The following CSMD1 variants were observed in gnomAD, a reference collection of about 807,000 sequenced individuals.
The protein encoded by CSMD1 is CUB and sushi domain-containing protein 1.
A neutral mutation model predicts 417.5 loss-of-function variants in CSMD1; 213 were observed. That is an observed-to-expected ratio of 0.51 (90% CI 0.46 to 0.57). The LOEUF is 0.57. CSMD1 is among the 20% of genes least tolerant of loss of function. CSMD1 has a pLI of 0.00. For synonymous variants in CSMD1, 2,862 were observed against 1,736.8 expected (o/e 1.65, Z -16.11); for missense variants, 6,923 against 4,529.7 (o/e 1.53, Z -15.17).
intron 5 of CSMD1, among the ~76,000 whole-genome samples, chr8:3,930,521 C>A (rs1405346998): frequency 6.7e-6 from 1 of 150,362 alleles, no homozygotes; most frequent in Non-Finnish European, 1.5e-5. Flanking sequence ...TCTGCCTTTG[C>A]CTCTTTTCAA....
At chr8:4,005,210 G>C (rs917010163) in intron 4 of CSMD1, among the ~76,000 whole-genome samples, 3 of 152,078 alleles carry the variant, frequency 2.0e-5, no homozygotes, top group African/African-American at 4.8e-5. Flanking sequence ...GGTGGTGGGT[G>C]CACCATCTCA....
At position 3,390,656 on chromosome 8, in the gene CSMD1, C is replaced by CT. The variant is rs142121124; in HGVS notation, c.2594-2975dup. The stretch of plus-strand genomic sequence containing the variant: ...TTGATACAAATAGTTACAAACATTA[C>CT]TTTTTTTTTTTCAATTGGTCTTTGC... On this transcript the variant is annotated intron_variant, in intron 17 of 69. Coordinates refer to ENST00000635120, the MANE Select transcript of CSMD1 (RefSeq NM_033225.6). Among the ~76,000 whole-genome samples, 152 of 147,386 alleles carry CT rather than the reference C, an allele frequency of 1.0e-3. 1 individual carries two copies. The highest frequency in any genetic ancestry group is 2.1e-3 in the African/African-American group (84 of 40,496).
In CSMD1 at chr8:2,974,554, G is replaced by T. The variant is rs375155191; in HGVS notation, c.8637C>A (p.Ala2879=). The change falls in exon 56 of 70, where the codon GCC becomes GCA. Residue 2879 remains alanine, a synonymous_variant. Transcript: ENST00000635120. The stretch of plus-strand genomic sequence containing the variant: ...TCCCTCTGCAGGAGTAGTGCACGAC[G>T]GCGCCATAGGTAAACAGCTCTCCAG... ...VLTGELFTYG[A]VVHYSCRGSE... The T allele has an allele frequency of 4.8e-5, 77 of 1,613,068 alleles. No homozygotes were observed. The Middle Eastern group carries it at 4.9e-4, about 10-fold the overall frequency.
intron 3 of CSMD1, among the ~76,000 whole-genome samples, chr8:4,110,928 G>A (rs1801819341): frequency 6.6e-6 from 1 of 152,006 alleles, no homozygotes; most frequent in South Asian, 2.1e-4. Context: ...CATTCTAGAA[G>A]TACTCAGCTG....
chr8:3,129,612 T>C (rs1386272034), intron 41 of CSMD1, among the ~76,000 whole-genome samples: 1 of 151,444 alleles, frequency 6.6e-6, no homozygotes, highest in African/African-American at 2.4e-5. Context: ...TTCTCTATAC[T>C]AAAAGTACAA....
At chr8:3,586,979 T>C (rs569359184) in intron 8 of CSMD1, among the ~76,000 whole-genome samples, 4 of 152,270 alleles carry the variant, frequency 2.6e-5, no homozygotes, top group Non-Finnish European at 5.9e-5. Context: ...TTTGTATTTT[T>C]AGTAGAGACA....
rs188775061 is a variant in CSMD1 at position 4,389,203 on chromosome 8, G to A, written c.415+30750C>T. Among the ~76,000 whole-genome samples, 53 of 152,228 alleles carry A rather than the reference G, an allele frequency of 3.5e-4. 1 individual carries two copies. Among genetic ancestry groups the A allele is most frequent in the Middle Eastern group, 3.4e-3 (1 of 294 alleles). The stretch of plus-strand genomic sequence containing the variant: ...AACTGGCCTGTTACTTTTTCTGGAG[G>A]GAGTGGGCTACTTCTAGCAATACTT... On this transcript the variant is annotated intron_variant, in intron 3 of 69. Coordinates refer to ENST00000635120, the MANE Select transcript of CSMD1 (RefSeq NM_033225.6).
chr8:4,325,815 G>A (rs1799525989), intron 3 of CSMD1, among the ~76,000 whole-genome samples: 1 of 152,092 alleles, frequency 6.6e-6, no homozygotes, highest in African/African-American at 2.4e-5. Flanking sequence ...TGATGACCCT[G>A]AGAACGACTG....
At chr8:4,303,839 T>C (rs1176798650) in intron 3 of CSMD1, among the ~76,000 whole-genome samples, 1 of 152,146 alleles carries the variant, frequency 6.6e-6, no homozygotes, top group South Asian at 2.1e-4. Context: ...TAGTTTTTAG[T>C]AGAGACAGGG....
chr8:3,674,138 C>T (rs1026740117), intron 7 of CSMD1, among the ~76,000 whole-genome samples: 21 of 152,044 alleles, frequency 1.4e-4, no homozygotes, highest in African/African-American at 5.1e-4. Context: ...AGAAACTGTC[C>T]ATTTGTCAAT....
At chr8:4,653,574 G>C (rs566636252) in intron 1 of CSMD1, among the ~76,000 whole-genome samples, 1 of 152,010 alleles carries the variant, frequency 6.6e-6, no homozygotes, top group Non-Finnish European at 1.5e-5. Flanking sequence ...GGAAAGTTTT[G>C]TGATTTATGA....
intron 5 of CSMD1, among the ~76,000 whole-genome samples, chr8:3,904,639 C>CAT (rs1554480927): frequency 7.5e-6 from 1 of 133,134 alleles, no homozygotes; most frequent in African/African-American, 2.9e-5. Context: ...CGTTTTCTTT[C>CAT]TTTTTTTTTT....
chr8:4,227,238 A>C (rs1337057890), intron 3 of CSMD1, among the ~76,000 whole-genome samples: 1 of 152,176 alleles, frequency 6.6e-6, no homozygotes, highest in East Asian at 1.9e-4. Context: ...GAGAATCATT[A>C]ACCTCATTAG....
At chr8:3,484,999 G>C (rs910802472) in intron 11 of CSMD1, among the ~76,000 whole-genome samples, 3 of 152,138 alleles carry the variant, frequency 2.0e-5, no homozygotes, top group Admixed American at 1.3e-4. Context: ...GAAAACAGCT[G>C]AGCAGTTTCC....
chr8:4,635,706 G>C (rs771250595), intron 2 of CSMD1, among the ~76,000 whole-genome samples: 2 of 151,980 alleles, frequency 1.3e-5, no homozygotes, highest in Admixed American at 6.6e-5. Flanking sequence ...TAGTAGCGTT[G>C]ATAATTGACA....
chr8:4,769,084 G>C (rs959118155), intron 1 of CSMD1, among the ~76,000 whole-genome samples: 2 of 152,106 alleles, frequency 1.3e-5, no homozygotes, highest in African/African-American at 2.4e-5. Context: ...TAACAGCTTG[G>C]GGCTTGCAGA....
At chr8:4,117,219 C>A (rs1368240188) in intron 3 of CSMD1, among the ~76,000 whole-genome samples, 1 of 144,384 alleles carries the variant, frequency 6.9e-6, no homozygotes, top group Non-Finnish European at 1.5e-5. Flanking sequence ...GGACCCCCTC[C>A]ATCTCATGGT....
At chr8:3,106,727 G>A in intron 45 of CSMD1, 86 bp from the exon 46 acceptor site, 1 of 609,544 alleles carries the variant, frequency 1.6e-6, no homozygotes, top group Non-Finnish European at 2.9e-6. Context: ...CTACTTAAAT[G>A]AATTAAATCA....
rs548222748 is a variant in CSMD1 at position 3,696,526 on chromosome 8, T to C, written c.1009+11888A>G. Among the ~76,000 whole-genome samples the C allele has an allele frequency of 2.0e-3, 308 of 152,322 alleles. 1 individual carries two copies. The highest frequency in any genetic ancestry group is 3.4e-3 in the Middle Eastern group (1 of 294). On this transcript the variant is annotated intron_variant, in intron 7 of 69. Transcript: ENST00000635120. ...AAAGAAATGCTAAAGCAAATCAATA[T>C]AATCATTTGGTGTAATTAAATGATC...
Sources: gnomAD v4.1 joint callset for allele counts (sites outside exome capture counted in the v4.1 genomes callset) on GRCh38, gnomAD v4.1.1 for gene constraint, MANE v1.5 for transcripts, NCBI Gene and HGNC (gene_info 2026-07-23, HGNC 2026-07-21) for gene names.